Variants in BCKDHB observed in about 807,000 individuals in gnomAD.
The protein encoded by BCKDHB is 2-oxoisovalerate dehydrogenase subunit beta, mitochondrial.
A neutral mutation model predicts 48.5 loss-of-function variants in BCKDHB; 41 were observed. That is an observed-to-expected ratio of 0.85 (90% CI 0.66 to 1.10). The LOEUF is 1.10. Among genes scored for constraint, BCKDHB ranks in the 50% least tolerant of loss-of-function variants. The pLI is 0.00. For missense variants in BCKDHB, 496 were observed against 494.2 expected (o/e 1.00, Z -0.03); for synonymous variants, 201 against 174.8 (o/e 1.15, Z -1.18).
At chr6:80,269,496 C>T (rs1777645964) in intron 8 of BCKDHB, among the ~76,000 whole-genome samples, 1 of 152,044 alleles carries the variant, frequency 6.6e-6, no homozygotes, top group African/African-American at 2.4e-5. Context: ...TCCTGATCTT[C>T]AATTGGCTTA....
intron 3 of BCKDHB, 41 bp downstream of exon 3, chr6:80,129,270 T>C (rs753660607): frequency 3.3e-6 from 5 of 1,513,722 alleles, no homozygotes; most frequent in Middle Eastern, 1.9e-4. Context: ...GATAGAACTT[T>C]TACTAAAAGA....
the BCKDHB span, among the ~76,000 whole-genome samples, chr6:80,450,691 C>T: frequency 1.3e-5 from 2 of 152,080 alleles, no homozygotes; most frequent in African/African-American, 2.4e-5. Context: ...ATCTCATGCA[C>T]CTTCCTCTTC....
At chr6:80,176,248 G>C (rs1027408629) in intron 6 of BCKDHB, among the ~76,000 whole-genome samples, 3 of 152,190 alleles carry the variant, frequency 2.0e-5, no homozygotes, top group Non-Finnish European at 4.4e-5. Flanking sequence ...TGGAGGAATA[G>C]TAGATTAGAT....
intron 3 of BCKDHB, among the ~76,000 whole-genome samples, chr6:80,141,415 T>A (rs1771206398): frequency 6.6e-6 from 1 of 152,120 alleles, no homozygotes; most frequent in South Asian, 2.1e-4. Context: ...TGAACGAGAT[T>A]TTCTGAGTGC....
At chr6:80,282,455 C>A (rs1766375106) in intron 9 of BCKDHB, among the ~76,000 whole-genome samples, 1 of 152,046 alleles carries the variant, frequency 6.6e-6, no homozygotes, top group South Asian at 2.1e-4. Flanking sequence ...AATATGTATT[C>A]ATCTCAGTGT....
the BCKDHB span, chr6:80,374,466 G>A: frequency 1.3e-6 from 1 of 754,676 alleles, no homozygotes; most frequent in African/African-American, 1.7e-5. Flanking sequence ...ACCCTTGATG[G>A]CCTGGGCAGT....
At chr6:80,210,579 A>C (rs1562139866) in intron 8 of BCKDHB, among the ~76,000 whole-genome samples, 1 of 152,150 alleles carries the variant, frequency 6.6e-6, no homozygotes, top group Admixed American at 6.6e-5. Context: ...AAACTTGAAC[A>C]AAATTTTTAA....
intron 8 of BCKDHB, among the ~76,000 whole-genome samples, chr6:80,208,023 G>T (rs1482941153): frequency 6.6e-6 from 1 of 151,710 alleles, no homozygotes; most frequent in Non-Finnish European, 1.5e-5. Flanking sequence ...TGTCCTAATT[G>T]TGCACCAAAC....
intron 8 of BCKDHB, among the ~76,000 whole-genome samples, chr6:80,258,674 G>A (rs997195887): frequency 6.6e-6 from 1 of 151,972 alleles, no homozygotes; most frequent in Non-Finnish European, 1.5e-5. Flanking sequence ...TATCTAAGCA[G>A]TGATCCTGAT....
At chr6:80,358,443 G>C in the BCKDHB span, among the ~76,000 whole-genome samples, 1 of 151,746 alleles carries the variant, frequency 6.6e-6, no homozygotes, top group Non-Finnish European at 1.5e-5. Flanking sequence ...TCTCTCTTTT[G>C]CCTTATGTAT....
chr6:80,397,451 A>T, the BCKDHB span, among the ~76,000 whole-genome samples: 1 of 152,206 alleles, frequency 6.6e-6, no homozygotes, highest in African/African-American at 2.4e-5. Context: ...TTTAACAGAG[A>T]TATCAAGAGA....
At chr6:80,200,149 A>G (rs1471884554) in intron 6 of BCKDHB, among the ~76,000 whole-genome samples, 2 of 148,738 alleles carry the variant, frequency 1.3e-5, no homozygotes, top group Admixed American at 6.7e-5. Context: ...ACTCAATTTT[A>G]TTTTGAAATT....
chr6:80,170,935 T>C (rs1456528766), intron 5 of BCKDHB, among the ~76,000 whole-genome samples: 2 of 152,148 alleles, frequency 1.3e-5, no homozygotes, highest in African/African-American at 4.8e-5. Context: ...AGAGATTTCT[T>C]CATAGATAAA....
At chr6:80,374,561 G>C in the BCKDHB span, 1 of 681,528 alleles carries the variant, frequency 1.5e-6, no homozygotes, top group Non-Finnish European at 2.7e-6. Context: ...CAAGTGTATA[G>C]GGCACCATTT....
chr6:80,437,986 G>A, the BCKDHB span, among the ~76,000 whole-genome samples: 4 of 152,108 alleles, frequency 2.6e-5, no homozygotes, highest in African/African-American at 9.7e-5. Flanking sequence ...TGTGTATCTC[G>A]CAGATGTATT....
the BCKDHB span, among the ~76,000 whole-genome samples, chr6:80,386,613 A>T: frequency 1.3e-5 from 2 of 152,330 alleles, no homozygotes; most frequent in East Asian, 3.9e-4. Context: ...GCAGGGGCCA[A>T]GTGGTGGCAC....
intron 9 of BCKDHB, among the ~76,000 whole-genome samples, chr6:80,308,251 A>G (rs927060039): frequency 6.6e-6 from 1 of 151,930 alleles, no homozygotes; most frequent in Non-Finnish European, 1.5e-5. Context: ...TTTTCATTGT[A>G]TCATGGACAT....
the BCKDHB span, among the ~76,000 whole-genome samples, chr6:80,399,841 G>T: frequency 6.6e-6 from 1 of 151,530 alleles, no homozygotes; most frequent in Non-Finnish European, 1.5e-5. Context: ...TATTCTACAG[G>T]GCTACAGTAA....
At chr6:80,241,106 A>C (rs1426616014) in intron 8 of BCKDHB, among the ~76,000 whole-genome samples, 1 of 152,022 alleles carries the variant, frequency 6.6e-6, no homozygotes, top group African/African-American at 2.4e-5. Flanking sequence ...CCATCAGGTC[A>C]TTTAAGGTCT....
Sources: gnomAD v4.1 joint callset for allele counts (sites outside exome capture counted in the v4.1 genomes callset) on GRCh38, gnomAD v4.1.1 for gene constraint, MANE v1.5 for transcripts, NCBI Gene and HGNC (gene_info 2026-07-23, HGNC 2026-07-21) for gene names.